AGMO: variants seen among roughly 807,000 people sequenced by gnomAD.
AGMO encodes the protein glyceryl-ether monooxygenase.
A neutral mutation model predicts 60.2 loss-of-function variants in AGMO; 75 were observed. The ratio of observed to expected loss-of-function variants is 1.25; its 90% confidence interval spans 1.03 to 1.51. The LOEUF (loss-of-function observed/expected upper bound fraction) is 1.51, where lower values mean the gene tolerates loss of function less well. AGMO is among the 40% of genes most tolerant of loss of function. The pLI, the probability that AGMO is intolerant of heterozygous loss-of-function variation, is 0.00. For missense variants in AGMO, 763 were observed against 525.5 expected (o/e 1.45, Z -4.42); for synonymous variants, 261 against 177.1 (o/e 1.47, Z -3.76).
At chr7:15,186,553 G>C in the AGMO span, among the ~76,000 whole-genome samples, 2 of 152,114 alleles carry the variant, frequency 1.3e-5, no homozygotes, top group African/African-American at 4.8e-5. Context: ...CCCAACTTAG[G>C]CTCTATAGAG....
intron 12 of AGMO, among the ~76,000 whole-genome samples, chr7:15,315,327 G>GTTTTTTTTTT (rs1780888195): frequency 1.5e-5 from 1 of 68,844 alleles, no homozygotes; most frequent in African/African-American, 6.1e-5. Flanking sequence ...ATGGATATTT[G>GTTTTTTTTTT]CTTTTTTTTT....
intron 12 of AGMO, among the ~76,000 whole-genome samples, chr7:15,313,129 C>G (rs936894543): frequency 6.6e-6 from 1 of 152,060 alleles, no homozygotes; most frequent in African/African-American, 2.4e-5. Flanking sequence ...TCTTGTGAGG[C>G]TAAAAATGAA....
intron 12 of AGMO, among the ~76,000 whole-genome samples, chr7:15,356,953 C>CAAAAAAAA (rs917201250): frequency 2.9e-5 from 2 of 68,920 alleles, no homozygotes; most frequent in African/African-American, 5.6e-5. Flanking sequence ...ACTAAAATTA[C>CAAAAAAAA]AAAAAAAAAA....
At chr7:15,280,241 C>G (rs1783924107) in intron 12 of AGMO, among the ~76,000 whole-genome samples, 1 of 152,182 alleles carries the variant, frequency 6.6e-6, no homozygotes, top group African/African-American at 2.4e-5. Context: ...TGAAACTTAG[C>G]TAGCTGCAGC....
At chr7:15,551,394 G>A (rs1380755598) in intron 2 of AGMO, among the ~76,000 whole-genome samples, 2 of 146,732 alleles carry the variant, frequency 1.4e-5, no homozygotes, top group Non-Finnish European at 3.0e-5. Context: ...GTTTGCAGAC[G>A]ACATGATTGT....
At chr7:15,404,251 T>A (rs1784627653) in intron 5 of AGMO, among the ~76,000 whole-genome samples, 1 of 151,928 alleles carries the variant, frequency 6.6e-6, no homozygotes, top group Non-Finnish European at 1.5e-5. Context: ...TTTAAAGGAC[T>A]GCGTTTATAA....
At chr7:15,248,191 T>TATATATATATAC (rs1563053776) in intron 12 of AGMO, among the ~76,000 whole-genome samples, 11 of 48,852 alleles carry the variant, frequency 2.3e-4, no homozygotes, top group Non-Finnish European at 3.6e-4. Flanking sequence ...TATATATATA[T>TATATATATATAC]ATATATATAT....
chr7:15,541,734 A>G (rs777850576), intron 3 of AGMO, among the ~76,000 whole-genome samples: 6 of 152,218 alleles, frequency 3.9e-5, no homozygotes, highest in Non-Finnish European at 7.3e-5. Flanking sequence ...TATATGCAAC[A>G]CAAACAAATG....
chr7:15,527,029 G>C (rs750076953), intron 3 of AGMO, among the ~76,000 whole-genome samples: 4 of 151,870 alleles, frequency 2.6e-5, no homozygotes, highest in Non-Finnish European at 5.9e-5. Context: ...CTCTCTCATT[G>C]TGCCTCCCTG....
At chr7:15,166,062 ACC>A in the AGMO span, among the ~76,000 whole-genome samples, 2 of 152,166 alleles carry the variant, frequency 1.3e-5, no homozygotes, top group Non-Finnish European at 2.9e-5. Flanking sequence ...ACAGACAACG[ACC>A]CCAGGCCTTG....
intron 12 of AGMO, among the ~76,000 whole-genome samples, chr7:15,320,917 G>A (rs1038458453): frequency 1.3e-5 from 2 of 152,108 alleles, no homozygotes; most frequent in Non-Finnish European, 2.9e-5. Context: ...ACTGTTGTGT[G>A]ACTTGCACAA....
intron 3 of AGMO, among the ~76,000 whole-genome samples, chr7:15,465,347 A>G (rs1782253596): frequency 6.7e-6 from 1 of 150,240 alleles, no homozygotes; most frequent in Non-Finnish European, 1.5e-5. Context: ...GCGTGTGTGT[A>G]TATACACACG....
chr7:15,271,937 T>C (rs1206872622), intron 12 of AGMO, among the ~76,000 whole-genome samples: 1 of 152,162 alleles, frequency 6.6e-6, no homozygotes, highest in Non-Finnish European at 1.5e-5. Flanking sequence ...ATGGTTTTTG[T>C]TTCTAATTGA....
At chr7:15,149,884 G>C in the AGMO span, among the ~76,000 whole-genome samples, 17 of 152,198 alleles carry the variant, frequency 1.1e-4, no homozygotes, top group East Asian at 1.7e-3. Context: ...GAATAACATT[G>C]AATCTGTAAA....
At chr7:15,486,394 G>A (rs1055173100) in intron 3 of AGMO, among the ~76,000 whole-genome samples, 6 of 152,164 alleles carry the variant, frequency 3.9e-5, no homozygotes, top group Admixed American at 1.3e-4. Context: ...AAGTAAACAA[G>A]CTTGAGAAAG....
chr7:15,559,756 T>C (rs902003771), intron 2 of AGMO, among the ~76,000 whole-genome samples: 1 of 151,998 alleles, frequency 6.6e-6, no homozygotes, highest in Non-Finnish European at 1.5e-5. Flanking sequence ...CAAACTATTG[T>C]AGTTATTCAG....
intron 12 of AGMO, among the ~76,000 whole-genome samples, chr7:15,216,232 C>G (rs1781732399): frequency 6.6e-6 from 1 of 152,062 alleles, no homozygotes; most frequent in Non-Finnish European, 1.5e-5. Context: ...AACTTTCAGG[C>G]CAAACAGCAA....
intron 3 of AGMO, among the ~76,000 whole-genome samples, chr7:15,528,256 C>T (rs1344915739): frequency 1.3e-5 from 2 of 152,100 alleles, no homozygotes; most frequent in South Asian, 2.1e-4. Context: ...AGATATAATG[C>T]AATTGCACAC....
At chr7:15,191,578 G>C in the AGMO span, among the ~76,000 whole-genome samples, 1 of 152,104 alleles carries the variant, frequency 6.6e-6, no homozygotes, top group Non-Finnish European at 1.5e-5. Flanking sequence ...TATTATAATT[G>C]AATCTCTTAT....
Sources: gnomAD v4.1 joint callset for allele counts (sites outside exome capture counted in the v4.1 genomes callset) on GRCh38, gnomAD v4.1.1 for gene constraint, MANE v1.5 for transcripts, NCBI Gene and HGNC (gene_info 2026-07-23, HGNC 2026-07-21) for gene names.